Variants in TNRC6A observed in about 807,000 individuals in gnomAD.
TNRC6A encodes trinucleotide repeat-containing gene 6A protein.
In TNRC6A, 44 loss-of-function variants were observed where a neutral mutation model predicts 221.2. That is an observed-to-expected ratio of 0.20 (90% CI 0.16 to 0.26). The LOEUF (loss-of-function observed/expected upper bound fraction) is 0.26. TNRC6A is among the 10% of genes least tolerant of loss of function. The pLI, the probability that TNRC6A is intolerant of heterozygous loss-of-function variation, is 1.00. For missense variants in TNRC6A, 2,199 were observed against 2,404.4 expected (o/e 0.91, Z 1.79); for synonymous variants, 847 against 838.5 (o/e 1.01, Z -0.18).
At chr16:24,692,986 G>A (rs538791132) in intron 2 of TNRC6A, among the ~76,000 whole-genome samples, 1 of 152,008 alleles carries the variant, frequency 6.6e-6, no homozygotes, top group South Asian at 2.1e-4. Context: ...GGGTAAACCG[G>A]TAATATATTC....
Position 24,804,857 on chromosome 16 carries a change from T to G in TNRC6A, c.3984+6T>G. 6.2e-7 allele frequency: 1 copy of G among 1,613,710 alleles called. No individual in the cohort carries two copies. The highest frequency in any genetic ancestry group is 8.5e-7 in the Non-Finnish European group (1 of 1,179,918). ...ACTTGAATTCTGTTAGACAGGTAAG[T>G]CCAGATGTGTATTTTAGGCTCTCAG... is the stretch of plus-strand genomic sequence containing the variant. On this transcript the variant is annotated splice_donor_region_variant and intron_variant, in intron 13 of 24. Coordinates refer to ENST00000395799, the MANE Select transcript of TNRC6A (RefSeq NM_014494.4).
chr16:24,778,465 A>C (rs1381818904), intron 5 of TNRC6A: 2 of 985,362 alleles, frequency 2.0e-6, no homozygotes, highest in Admixed American at 1.2e-4. Context: ...AAGAGGACAC[A>C]AATGTGAGTT....
intron 1 of TNRC6A, among the ~76,000 whole-genome samples, chr16:24,622,398 C>T (rs1164963249): frequency 1.3e-5 from 2 of 152,048 alleles, no homozygotes; most frequent in Non-Finnish European, 2.9e-5. Flanking sequence ...GTCAGGAGTT[C>T]GAGACCAGCC....
chr16:24,820,171 C>T lies in TNRC6A; in HGVS notation c.5113C>T (p.Pro1705Ser). The T allele has an allele frequency of 6.2e-7, 1 of 1,614,180 alleles. No homozygotes were observed. Among genetic ancestry groups the T allele is most frequent in the Non-Finnish European group, 8.5e-7 (1 of 1,180,028 alleles). ...TAGTGATTCCAAATTGACATGGTCTCCTGGTTCAGTTACAAACACCTCTCT... is the reference window on the plus strand; with the variant it reads ...TAGTGATTCCAAATTGACATGGTCTTCTGGTTCAGTTACAAACACCTCTCT... ...RNSDSKLTWS[P>S]GSVTNTSLAH... The change falls in exon 22 of 25, where the codon CCT (proline) becomes TCT (serine). Residue 1705 changes from proline to serine, a missense_variant. Physicochemically the swap from Pro to Ser is moderately conservative, Grantham distance 74. Coordinates refer to ENST00000395799, the MANE Select transcript of TNRC6A (RefSeq NM_014494.4).
At chr16:24,807,023 T>A (rs1281148633) in intron 17 of TNRC6A, among the ~76,000 whole-genome samples, 1 of 151,450 alleles carries the variant, frequency 6.6e-6, no homozygotes, top group Non-Finnish European at 1.5e-5. Flanking sequence ...TTTTTTTTTT[T>A]AGGACAGAGT....
intron 3 of TNRC6A, among the ~76,000 whole-genome samples, chr16:24,757,972 A>G (rs1463393292): frequency 6.6e-6 from 1 of 152,310 alleles, no homozygotes; most frequent in African/African-American, 2.4e-5. Flanking sequence ...AAACATGCAA[A>G]ATATATTAAA....
At chr16:24,773,524 ATG>A (rs1192122656) in intron 4 of TNRC6A, among the ~76,000 whole-genome samples, 20 of 152,178 alleles carry the variant, frequency 1.3e-4, no homozygotes, top group Non-Finnish European at 4.4e-5. Context: ...TATGGCATGC[ATG>A]TGTGTGTGTT....
At chr16:24,677,795 G>T (rs1490101763) in intron 2 of TNRC6A, among the ~76,000 whole-genome samples, 1 of 152,076 alleles carries the variant, frequency 6.6e-6, no homozygotes, top group Admixed American at 6.6e-5. Flanking sequence ...CATATCTGTT[G>T]GACGAATGAA....
chr16:24,632,062 GCTGGTCTCGAACTC>G (rs1379560384), intron 1 of TNRC6A, among the ~76,000 whole-genome samples: 1 of 151,940 alleles, frequency 6.6e-6, no homozygotes, highest in Non-Finnish European at 1.5e-5. Flanking sequence ...TATTGCCCAG[GCTGGTCTCGAACTC>G]CTGGGCTTAA....
chr16:24,788,643 A>G (rs1233213621), intron 5 of TNRC6A, among the ~76,000 whole-genome samples: 1 of 135,982 alleles, frequency 7.4e-6, no homozygotes, highest in South Asian at 2.3e-4. Context: ...CTTGACTCCA[A>G]AATTCTTTTT....
intron 4 of TNRC6A, among the ~76,000 whole-genome samples, chr16:24,762,072 G>C (rs372575647): frequency 1.3e-5 from 2 of 152,158 alleles, no homozygotes; most frequent in Non-Finnish European, 2.9e-5. Flanking sequence ...TGGGAAGCCC[G>C]GGGAGATCCT....
At chr16:24,637,506 T>G (rs1055330201) in intron 1 of TNRC6A, among the ~76,000 whole-genome samples, 1 of 152,094 alleles carries the variant, frequency 6.6e-6, no homozygotes, top group Non-Finnish European at 1.5e-5. Flanking sequence ...ATAAATAGAT[T>G]AAATGTACAA....
chr16:24,730,822 A>G (rs747749310), intron 2 of TNRC6A, among the ~76,000 whole-genome samples: 17 of 132,384 alleles, frequency 1.3e-4, no homozygotes, highest in East Asian at 1.1e-3. Context: ...TTTACCAAGC[A>G]TAAGCTGCGT....
intron 1 of TNRC6A, among the ~76,000 whole-genome samples, chr16:24,610,913 C>T (rs569152939): frequency 6.6e-6 from 1 of 152,068 alleles, no homozygotes; most frequent in African/African-American, 2.4e-5. Context: ...CGGGTTCAAG[C>T]GATTCTCCTG....
intron 4 of TNRC6A, among the ~76,000 whole-genome samples, chr16:24,770,675 C>A (rs1567447669): frequency 6.6e-6 from 1 of 152,190 alleles, no homozygotes. Flanking sequence ...TTCCCTCCTT[C>A]TATCTGCTGC....
At chr16:24,719,207 CA>C (rs1179792221) in intron 2 of TNRC6A, among the ~76,000 whole-genome samples, 2 of 151,880 alleles carry the variant, frequency 1.3e-5, no homozygotes, top group Admixed American at 6.6e-5. Flanking sequence ...CTGGCGCTTA[CA>C]AAAAAATCAG....
chr16:24,765,083 T>G (rs992558015), intron 4 of TNRC6A, among the ~76,000 whole-genome samples: 1 of 152,228 alleles, frequency 6.6e-6, no homozygotes, highest in Non-Finnish European at 1.5e-5. Flanking sequence ...GGAGGGGGAC[T>G]ACTGTATACC....
At position 24,621,428 on chromosome 16, in the gene TNRC6A, G is replaced by A. The variant is rs182282887; in HGVS notation, n.276+10944G>A. ...GGCTGGAGGGCAATGGTGCGATCTC[G>A]GCTCACTGCAAACTCCGCCTCCCAG... is the stretch of plus-strand genomic sequence containing the variant. On this transcript the variant is annotated intron_variant and non_coding_transcript_variant, in intron 1 of 2. Coordinates refer to the TNRC6A transcript ENST00000566108. 4.9e-3 allele frequency among the ~76,000 whole-genome samples: 723 copies of A among 147,550 alleles called. 6 individuals are homozygous for A. The highest frequency in any genetic ancestry group is 0.017 in the African/African-American group (695 of 39,764).
At chr16:24,766,885 C>G (rs1465034096) in intron 4 of TNRC6A, among the ~76,000 whole-genome samples, 1 of 152,046 alleles carries the variant, frequency 6.6e-6, no homozygotes, top group Non-Finnish European at 1.5e-5. Flanking sequence ...CTGTGTTGAC[C>G]AGGCTGGTGT....
Sources: allele counts gnomAD v4.1 joint callset (sites outside exome capture counted in the v4.1 genomes callset), GRCh38; gene constraint gnomAD v4.1.1; transcripts MANE v1.5; gene names NCBI Gene and HGNC (gene_info 2026-07-23, HGNC 2026-07-21).